Variants in MYH4 observed in about 807,000 individuals in gnomAD.
MYH4 encodes the protein myosin heavy chain 4, also known as myosin-4.
In MYH4, 200 loss-of-function variants were observed where a neutral mutation model predicts 229.9. The observed-to-expected ratio is 0.87, with a 90% CI of 0.78 to 0.98. MYH4 has a LOEUF of 0.98. Among genes scored for constraint, MYH4 ranks in the 50% least tolerant of loss-of-function variants. The probability of loss-of-function intolerance (pLI) is 0.00; values close to 1 mark genes in which losing one functional copy is unlikely to be tolerated. For synonymous variants in MYH4, 761 were observed against 834.6 expected (o/e 0.91, Z 1.52); for missense variants, 2,148 against 2,332.6 (o/e 0.92, Z 1.63).
chr17:10,459,181 A>C, intron 15 of MYH4, 70 bp downstream of exon 15: 1 of 1,610,882 alleles, frequency 6.2e-7, no homozygotes, highest in South Asian at 1.1e-5. Context: ...GAGAACAGGG[A>C]GTGTGATTAA....
At chr17:10,453,597 G>A (rs763782918) in intron 23 of MYH4, 46 bp downstream of exon 23, 8 of 1,613,134 alleles carry the variant, frequency 5.0e-6, no homozygotes, top group Non-Finnish European at 6.8e-6. Flanking sequence ...AAATACTTCA[G>A]TATCAAGGTG....
chr17:10,464,064 G>T (rs1160993146), intron 7 of MYH4, among the ~76,000 whole-genome samples: 1 of 152,106 alleles, frequency 6.6e-6, no homozygotes, highest in African/African-American at 2.4e-5. Context: ...TTGTACATGG[G>T]TATATTGCAT....
rs1376435933 is a variant in MYH4 at position 10,448,442 on chromosome 17, A to C, written c.4610T>G (p.Leu1537Arg). Reference sequence around the variant, plus strand: ...CTGTAGTTCACTCTTCTCATGATCAAGTTGTTTCTTTACTTTCTCCAGTTC... The same window carrying C: ...CTGTAGTTCACTCTTCTCATGATCACGTTGTTTCTTTACTTTCTCCAGTTC... The part of the protein sequence containing the change: ...IHELEKVKKQ[L>R]DHEKSELQTS... Residue 1537 changes from leucine (L) to arginine (R), a missense_variant, in exon 33 of 40, where the codon CTT becomes CGT. Transcript: ENST00000255381. 1 of 1,613,956 alleles carries C rather than the reference A, an allele frequency of 6.2e-7. No homozygotes were observed. Among genetic ancestry groups the C allele is most frequent in the South Asian group, 1.1e-5 (1 of 91,062 alleles).
rs140767563 is a variant in MYH4, at chr17:10,456,582, G to A, written c.1898-27C>T. 1,096 of 1,597,762 alleles carry A rather than the reference G, an allele frequency of 6.9e-4. 7 individuals carry two copies. The African/African-American group carries it at 0.012, about 18-fold the overall frequency. On this transcript the variant is annotated intron_variant, in intron 16 of 39. Coordinates refer to ENST00000255381, the MANE Select transcript of MYH4 (RefSeq NM_017533.2). ...TAAAAAACAAAATGGGAAAAATAAA[G>A]TTATTTGCAACTGCCTTTTAAGTAC...
intron 39 of MYH4, among the ~76,000 whole-genome samples, 177 bp downstream of exon 39, chr17:10,444,427 C>A (rs1330938541): frequency 6.6e-6 from 1 of 152,152 alleles, no homozygotes; most frequent in African/African-American, 2.4e-5. Context: ...AAGAAATAAA[C>A]TCAAATCTAT....
intron 30 of MYH4, among the ~76,000 whole-genome samples, chr17:10,449,575 G>A (rs182604822): frequency 6.6e-6 from 1 of 152,314 alleles, no homozygotes; most frequent in African/African-American, 2.4e-5. Flanking sequence ...GTAGCATTGA[G>A]TAGTATCTTT....
rs773942589 is a variant in MYH4 at position 10,463,639 on chromosome 17, G to A, written c.653C>T (p.Thr218Ile). ...EEPASGKMQG[T>I]LEDQIISANP... ...AGCACTGATGATTTGATCTTCAAGG[G>A]TCCCCTTAAGAGAAATGAATAAGAC... The change falls in exon 8 of 40, where the codon ACC becomes ATC. Residue 218 changes from threonine to isoleucine, a missense_variant. By Grantham distance (89) the Thr-to-Ile change is moderately conservative. Coordinates refer to ENST00000255381, the MANE Select transcript of MYH4 (RefSeq NM_017533.2). 1.2e-6 allele frequency: 2 copies of A among 1,604,420 alleles called. No homozygotes were observed. Among genetic ancestry groups the A allele is most frequent in the Non-Finnish European group, 1.7e-6 (2 of 1,175,898 alleles).
In MYH4 at chr17:10,458,318, T is replaced by C. The variant is rs117316536; in HGVS notation, c.1588-589A>G. Among the ~76,000 whole-genome samples, 21 of 152,258 alleles carry C rather than the reference T, an allele frequency of 1.4e-4. No homozygotes were observed. In the East Asian group the frequency reaches 3.9e-3, roughly 28 times the overall value. ...AATTCAACATTGATGATTTAACAAA[T>C]TCACAAATTGTACCCCTAAGACTAT... On this transcript the variant is annotated intron_variant, in intron 15 of 39. Transcript: ENST00000255381.
chr17:10,447,141 T>C lies in MYH4; in HGVS notation c.5041A>G (p.Arg1681Gly), dbSNP rs897995070. ...ACTTCAGCCTGCATCAGGTTAGCTC[T>C]GCGCTCAACCATTGCCAGTTGTTCC... ...LKEQLAMVER[R>G]ANLMQAEVEE... Residue 1681 changes from arginine to glycine, a missense_variant, in exon 35 of 40, where the codon AGA (arginine) becomes GGA (glycine). Transcript: ENST00000255381. 1.4e-5 allele frequency: 22 copies of C among 1,614,176 alleles called. No individual in the cohort carries two copies. Among genetic ancestry groups the C allele is most frequent in the Non-Finnish European group, 1.6e-5 (19 of 1,180,022 alleles).
In MYH4 at chr17:10,454,684, G is replaced by A. The variant is rs2072617718; in HGVS notation, c.2562C>T (p.Ala854=). 1 of 1,613,828 alleles carries A rather than the reference G, an allele frequency of 6.2e-7. No individual in the cohort carries two copies. Among genetic ancestry groups the A allele is most frequent in the Non-Finnish European group, 8.5e-7 (1 of 1,180,018 alleles). Reference sequence around the variant, plus strand: ...TTTTCTCAAATTCTTCCTTCATGTTGGCCATCTCCTTCTCTGTCTCTGCAC... The same window carrying A: ...TTTTCTCAAATTCTTCCTTCATGTTAGCCATCTCCTTCTCTGTCTCTGCAC... ...LKSAETEKEM[A]NMKEEFEKTK... The change falls in exon 22 of 40, where the codon GCC becomes GCT. Residue 854 remains alanine, a synonymous_variant. Transcript: ENST00000255381.
chr17:10,464,612 G>T (rs768308289), intron 6 of MYH4, 26 bp from the exon 7 acceptor site: 13 of 1,613,506 alleles, frequency 8.1e-6, no homozygotes, highest in South Asian at 1.1e-5. Flanking sequence ...AGAAGAAAAG[G>T]TCAGAATCTA....
chr17:10,467,825 C>T (rs2072783618), intron 2 of MYH4, among the ~76,000 whole-genome samples: 1 of 152,196 alleles, frequency 6.6e-6, no homozygotes, highest in African/African-American at 2.4e-5. Context: ...ATAAGTCCTG[C>T]TGTCCTGATG....
At chr17:10,459,136 A>T (rs1398777376) in intron 15 of MYH4, 115 bp downstream of exon 15, 2 of 1,524,866 alleles carry the variant, frequency 1.3e-6, no homozygotes, top group Non-Finnish European at 1.8e-6. Context: ...ATCAGAATAT[A>T]CGAGTGTGTC....
chr17:10,459,192 G>A, intron 15 of MYH4, 59 bp downstream of exon 15: 1 of 1,613,324 alleles, frequency 6.2e-7, no homozygotes, highest in Non-Finnish European at 8.5e-7. Flanking sequence ...GTGTGATTAA[G>A]CACAGGGAGG....
rs755270151 is a variant in MYH4, at chr17:10,468,110, G to A, written c.-40+1178C>T. On this transcript the variant is annotated intron_variant, in intron 2 of 39. Transcript: ENST00000255381. Reference sequence around the variant, plus strand: ...GTGAAACTTAGACATATTTTCAGGGGATATATATTGGAACATTTAATGTCA... The same window carrying A: ...GTGAAACTTAGACATATTTTCAGGGAATATATATTGGAACATTTAATGTCA... 1.8e-3 allele frequency among the ~76,000 whole-genome samples: 278 copies of A among 152,244 alleles called. 2 individuals are homozygous for A. The highest frequency in any genetic ancestry group is 3.6e-3 in the Non-Finnish European group (245 of 68,010).
In MYH4 at chr17:10,454,945, T is replaced by C; in HGVS notation, c.2431A>G (p.Arg811Gly). ...GACTTGTGTGTGGGCTCTCACCTCC[T>C]CTCCATCATCTTTCTGAACTCCACT... ...MRVEFRKMME[R>G]RESIFCIQYN... The change falls in exon 21 of 40, where the codon AGG (arginine) becomes GGG (glycine). Residue 811 changes from arginine to glycine, a missense_variant. Transcript: ENST00000255381. 6.2e-7 allele frequency: 1 copy of C among 1,614,130 alleles called. No individual in the cohort carries two copies. The highest frequency in any genetic ancestry group is 8.5e-7 in the Non-Finnish European group (1 of 1,179,986).
chr17:10,452,430 T>C lies in MYH4; in HGVS notation c.3334A>G (p.Ile1112Val), dbSNP rs1384522709. ...QALAIQLQKKIKELQARIEEL... is the reference protein window; with the variant it reads ...QALAIQLQKKVKELQARIEEL... ...TTATAACTTACCTGTAATTCTTTGATCTTCTTTTGTAGCTGTATTGCAAGG... is the reference window on the plus strand; with the variant it reads ...TTATAACTTACCTGTAATTCTTTGACCTTCTTTTGTAGCTGTATTGCAAGG... The change falls in exon 26 of 40, where the codon ATC (isoleucine) becomes GTC (valine). Residue 1112 changes from isoleucine (I) to valine (V), a missense_variant. Transcript: ENST00000255381. 3 of 1,614,034 alleles carry C rather than the reference T, an allele frequency of 1.9e-6. No individual in the cohort carries two copies. The highest frequency in any genetic ancestry group is 1.3e-5 in the African/African-American group (1 of 74,938).
intron 35 of MYH4, 146 bp from the exon 36 acceptor site, chr17:10,445,508 T>C: frequency 8.9e-7 from 1 of 1,119,986 alleles, no homozygotes. Flanking sequence ...TCTAAGTTTA[T>C]GCCTTTTCTC....
At chr17:10,444,558 C>T (rs1486710161) in intron 39 of MYH4, 46 bp downstream of exon 39, 3 of 1,501,518 alleles carry the variant, frequency 2.0e-6, no homozygotes, top group Non-Finnish European at 2.7e-6. Flanking sequence ...CCCAAAAAAC[C>T]TGGATGTGCA....
Sources: gnomAD v4.1 joint callset for allele counts (sites outside exome capture counted in the v4.1 genomes callset) on GRCh38, gnomAD v4.1.1 for gene constraint, MANE v1.5 for transcripts, NCBI Gene and HGNC (gene_info 2026-07-23, HGNC 2026-07-21) for gene names.